PRKCH: variants seen among roughly 807,000 people sequenced by gnomAD.
PRKCH encodes protein kinase C eta.
In PRKCH, 28 loss-of-function variants were observed where a neutral mutation model predicts 82.5. The ratio of observed to expected loss-of-function variants is 0.34; its 90% CI spans 0.25 to 0.47. PRKCH has a LOEUF of 0.47. Ranked by LOEUF, PRKCH falls within the 20% of genes least tolerant of loss-of-function variation. PRKCH has a pLI of 1.00. For synonymous variants in PRKCH, 322 were observed against 327.4 expected, an observed-to-expected ratio of 0.98 and a Z score of 0.18; for missense variants, 705 against 881.8, an observed-to-expected ratio of 0.80 and a Z score of 2.54.
rs565340056 is a variant in PRKCH, at chr14:61,355,713, G to A, written c.363+33249G>A. Among the ~76,000 whole-genome samples the A allele has an allele frequency of 2.1e-4, 32 of 152,210 alleles. No individual in the cohort carries two copies. In the South Asian group the frequency reaches 5.0e-3, roughly 24 times the overall value. Reference sequence around the variant, plus strand: ...TGACTTTATTGGTTGCTTCACGGGTGGCTTCTGAATTCATTTCTTGGAATG... The same window carrying A: ...TGACTTTATTGGTTGCTTCACGGGTAGCTTCTGAATTCATTTCTTGGAATG... On this transcript the variant is annotated intron_variant, in intron 1 of 13. Coordinates refer to ENST00000332981, the MANE Select transcript of PRKCH (RefSeq NM_006255.5).
chr14:61,269,756 G>T (rs1279399998), intron 1 of PRKCH, among the ~76,000 whole-genome samples: 2 of 152,136 alleles, frequency 1.3e-5, no homozygotes, highest in African/African-American at 4.8e-5. Flanking sequence ...TATGTCCAGC[G>T]GAGGGCAGCA....
chr14:61,521,055 G>A (rs149931642), intron 10 of PRKCH, among the ~76,000 whole-genome samples: 1 of 152,278 alleles, frequency 6.6e-6, no homozygotes, highest in East Asian at 1.9e-4. Context: ...TAGAGAATGA[G>A]CCAGAGGCAT....
intron 2 of PRKCH, among the ~76,000 whole-genome samples, chr14:61,391,509 T>G (rs965742316): frequency 9.9e-5 from 15 of 152,260 alleles, no homozygotes; most frequent in Admixed American, 4.6e-4. Context: ...CACGTTTCAT[T>G]TAACACACTC....
intron 2 of PRKCH, among the ~76,000 whole-genome samples, chr14:61,427,156 G>A (rs1356916129): frequency 6.6e-6 from 1 of 152,158 alleles, no homozygotes; most frequent in Non-Finnish European, 1.5e-5. Context: ...TGAAGCAAGG[G>A]GTGGGGAGTT....
Position 61,485,649 on chromosome 14 carries a change from A to G in PRKCH, c.1426A>G (p.Ile476Val), listed in dbSNP as rs954100971. 4.3e-6 allele frequency: 7 copies of G among 1,613,414 alleles called. No homozygotes were observed. The highest frequency in any genetic ancestry group is 5.9e-6 in the Non-Finnish European group (7 of 1,179,490). ...ALMFLHDKGI[I>V]YRDLKLDNVL... ...CATGTTCCTCCATGATAAAGGAATC[A>G]TCTATAGGTGAGTTTTGGTTGCTGC... The change falls in exon 10 of 14, where the codon ATC becomes GTC. Residue 476 changes from isoleucine (I) to valine (V), a missense_variant. Coordinates refer to ENST00000332981, the MANE Select transcript of PRKCH (RefSeq NM_006255.5).
At chr14:61,368,634 C>T (rs1048627406) in intron 1 of PRKCH, among the ~76,000 whole-genome samples, 2 of 152,130 alleles carry the variant, frequency 1.3e-5, no homozygotes, top group African/African-American at 4.8e-5. Flanking sequence ...TGGCACTGAT[C>T]ACCTCCTCTC....
At chr14:61,287,943 G>T (rs957251777) in intron 1 of PRKCH, among the ~76,000 whole-genome samples, 3 of 152,156 alleles carry the variant, frequency 2.0e-5, no homozygotes, top group Non-Finnish European at 4.4e-5. Context: ...TTTACCCTCT[G>T]CATAGTGACT....
intron 9 of PRKCH, among the ~76,000 whole-genome samples, chr14:61,466,136 A>T (rs537322810): frequency 6.6e-6 from 1 of 152,316 alleles, no homozygotes; most frequent in Non-Finnish European, 1.5e-5. Context: ...CCAGGAAATT[A>T]TGCCAGTAAG....
chr14:61,270,688 G>C (rs2045143652), intron 1 of PRKCH, among the ~76,000 whole-genome samples: 1 of 151,978 alleles, frequency 6.6e-6, no homozygotes, highest in South Asian at 2.1e-4. Context: ...AGACTCTAAA[G>C]GTATCATGAT....
At chr14:61,455,980 G>A (rs1293238671) in intron 7 of PRKCH, among the ~76,000 whole-genome samples, 1 of 150,918 alleles carries the variant, frequency 6.6e-6, no homozygotes, top group Admixed American at 6.6e-5. Flanking sequence ...TATTGTAGAC[G>A]GTAAGTTGGC....
chr14:61,267,388 T>A (rs542088451), intron 1 of PRKCH, among the ~76,000 whole-genome samples: 1 of 152,310 alleles, frequency 6.6e-6, no homozygotes, highest in South Asian at 2.1e-4. Flanking sequence ...TTTAATATTC[T>A]CACTCTTCTG....
At chr14:61,242,971 A>G (rs2044852185) in intron 1 of PRKCH, among the ~76,000 whole-genome samples, 1 of 152,178 alleles carries the variant, frequency 6.6e-6, no homozygotes, top group Non-Finnish European at 1.5e-5. Context: ...AGAAGGGAAT[A>G]AGACAGTGAA....
chr14:61,187,765 T>C (rs551458247), intron 1 of PRKCH: 2 of 152,336 alleles, frequency 1.3e-5, no homozygotes, highest in African/African-American at 4.8e-5. Context: ...AAGAATGGAA[T>C]GTGCTACTTT....
chr14:61,412,525 T>A (rs1018469098), intron 2 of PRKCH, among the ~76,000 whole-genome samples: 3 of 152,152 alleles, frequency 2.0e-5, no homozygotes, highest in Non-Finnish European at 2.9e-5. Context: ...TGTGGGGTCA[T>A]CCCTGCAGTG....
At chr14:61,531,132 T>A (rs113666321) in intron 12 of PRKCH, among the ~76,000 whole-genome samples, 2 of 152,268 alleles carry the variant, frequency 1.3e-5, no homozygotes, top group African/African-American at 4.8e-5. Context: ...GCAGGTGCAA[T>A]GTTGTAATGG....
chr14:61,493,078 A>G (rs113486972), intron 10 of PRKCH, among the ~76,000 whole-genome samples: 11 of 152,338 alleles, frequency 7.2e-5, no homozygotes, highest in African/African-American at 9.6e-5. Flanking sequence ...GGCTGCAGAA[A>G]TGAAGTATTA....
intron 1 of PRKCH, among the ~76,000 whole-genome samples, chr14:61,256,166 C>T (rs925352483): frequency 6.6e-6 from 1 of 152,094 alleles, no homozygotes; most frequent in Non-Finnish European, 1.5e-5. Context: ...AAATGCATAC[C>T]AACCAGAATT....
chr14:61,534,391 G>A (rs1023995710), intron 12 of PRKCH, among the ~76,000 whole-genome samples: 1 of 152,186 alleles, frequency 6.6e-6, no homozygotes, highest in Non-Finnish European at 1.5e-5. Context: ...GCTGCACAGG[G>A]CCAGATCAAG....
At chr14:61,384,158 T>C (rs1439431613) in intron 1 of PRKCH, among the ~76,000 whole-genome samples, 1 of 152,114 alleles carries the variant, frequency 6.6e-6, no homozygotes, top group Admixed American at 6.5e-5. Flanking sequence ...TCACGGTGCC[T>C]CAAGTCGGAG....
Sources: gnomAD v4.1 joint callset for allele counts (sites outside exome capture counted in the v4.1 genomes callset) on GRCh38, gnomAD v4.1.1 for gene constraint, MANE v1.5 for transcripts, NCBI Gene and HGNC (gene_info 2026-07-23, HGNC 2026-07-21) for gene names.